The following LGSN variants were observed in gnomAD, a reference collection of about 807,000 sequenced individuals.
LGSN encodes the protein lengsin, lens protein with glutamine synthetase domain.
In LGSN, 21 loss-of-function variants were observed where a neutral mutation model predicts 19.5. That is an observed-to-expected ratio of 1.07 (90% CI 0.76 to 1.55). LGSN has a LOEUF of 1.55. Ranked by LOEUF, LGSN falls within the 40% of genes most tolerant of loss-of-function variation. The pLI, the probability that LGSN is intolerant of heterozygous loss-of-function variation, is 0.00. For synonymous variants in LGSN, 257 were observed against 215.6 expected, an observed-to-expected ratio of 1.19 and a Z score of -1.68; for missense variants, 673 against 608.5, an observed-to-expected ratio of 1.11 and a Z score of -1.12.
chr6:63,507,548 A>T, the LGSN span, among the ~76,000 whole-genome samples: 2 of 152,190 alleles, frequency 1.3e-5, no homozygotes, highest in African/African-American at 4.8e-5. Flanking sequence ...GTGTTCCACA[A>T]TCAGGAACAG....
At chr6:63,424,540 T>C in the LGSN span, among the ~76,000 whole-genome samples, 8 of 142,292 alleles carry the variant, frequency 5.6e-5, no homozygotes, top group African/African-American at 1.6e-4. Context: ...CACACACACA[T>C]ACAAAACAGT....
chr6:63,317,813 C>A (rs1768922985), intron 1 of LGSN, among the ~76,000 whole-genome samples: 1 of 152,164 alleles, frequency 6.6e-6, no homozygotes, highest in Non-Finnish European at 1.5e-5. Context: ...GGCATTCATT[C>A]CTTCTGTGAT....
the LGSN span, among the ~76,000 whole-genome samples, chr6:63,411,357 A>G: frequency 6.6e-6 from 1 of 152,208 alleles, no homozygotes; most frequent in Non-Finnish European, 1.5e-5. Flanking sequence ...GGCATCAGAG[A>G]TAAGTTACAC....
the LGSN span, among the ~76,000 whole-genome samples, chr6:63,491,303 T>A: frequency 6.6e-6 from 1 of 152,044 alleles, no homozygotes; most frequent in African/African-American, 2.4e-5. Context: ...TTGGAAGACA[T>A]CCAAAAATGC....
At chr6:63,414,051 T>C in the LGSN span, among the ~76,000 whole-genome samples, 1 of 152,214 alleles carries the variant, frequency 6.6e-6, no homozygotes, top group Non-Finnish European at 1.5e-5. Context: ...GCCACTGGAA[T>C]CACAAACACT....
At chr6:63,454,870 G>T in the LGSN span, among the ~76,000 whole-genome samples, 2 of 132,798 alleles carry the variant, frequency 1.5e-5, no homozygotes, top group South Asian at 4.6e-4. Context: ...TCTGCTCGCT[G>T]CAACCTCCAC....
chr6:63,524,188 T>C, the LGSN span, among the ~76,000 whole-genome samples: 1 of 152,162 alleles, frequency 6.6e-6, no homozygotes, highest in African/African-American at 2.4e-5. Flanking sequence ...TTTTACCCTC[T>C]TGTCCAGGCT....
At chr6:63,308,037 C>T (rs1406675037) in intron 1 of LGSN, among the ~76,000 whole-genome samples, 1 of 152,164 alleles carries the variant, frequency 6.6e-6, no homozygotes, top group African/African-American at 2.4e-5. Flanking sequence ...GGGCGCATTT[C>T]AGCTGAAGAT....
the LGSN span, among the ~76,000 whole-genome samples, chr6:63,522,877 T>C: frequency 6.6e-6 from 1 of 150,994 alleles, no homozygotes; most frequent in Non-Finnish European, 1.5e-5. Context: ...TTTTTTTTTT[T>C]TTTTTGAGAC....
chr6:63,405,136 C>A, the LGSN span, among the ~76,000 whole-genome samples: 1 of 151,694 alleles, frequency 6.6e-6, no homozygotes, highest in East Asian at 1.9e-4. Flanking sequence ...GACATGAACT[C>A]ATCATTTTTT....
At chr6:63,566,185 AAGACAGGGCTGG>A in the LGSN span, among the ~76,000 whole-genome samples, 1 of 152,254 alleles carries the variant, frequency 6.6e-6, no homozygotes, top group Non-Finnish European at 1.5e-5. Flanking sequence ...AAACCATTTG[AAGACAGGGCTGG>A]TTTGAGATTT....
upstream of LGSN, among the ~76,000 whole-genome samples, chr6:63,322,250 A>G (rs548636842): frequency 1.3e-5 from 2 of 152,308 alleles, no homozygotes; most frequent in South Asian, 2.1e-4. Flanking sequence ...TACATATATT[A>G]TATGTTACAG....
At chr6:63,486,447 A>T in the LGSN span, among the ~76,000 whole-genome samples, 2 of 152,118 alleles carry the variant, frequency 1.3e-5, no homozygotes, top group Non-Finnish European at 2.9e-5. Flanking sequence ...AATGAGCCCA[A>T]ATGGATTTGT....
rs750402926 is a variant in LGSN at position 63,280,949 on chromosome 6, G to C, written c.602C>G (p.Ser201Cys). 47 of 1,613,986 alleles carry C rather than the reference G, an allele frequency of 2.9e-5. No homozygotes were observed. The highest frequency in any genetic ancestry group is 3.9e-5 in the Non-Finnish European group (46 of 1,180,022). The change falls in exon 4 of 4, where the codon TCC becomes TGC. Residue 201 changes from serine (S) to cysteine (C), a missense_variant. Coordinates refer to ENST00000370657, the MANE Select transcript of LGSN (RefSeq NM_016571.3). ...QLSHLQASGF[S>C]LLSAFIYDFC... ...ATCATAGATGAAAGCAGAAAGCAGGGAAAAGCCAGAGGCCTGCAGATGGCT... is the reference window on the plus strand; with the variant it reads ...ATCATAGATGAAAGCAGAAAGCAGGCAAAAGCCAGAGGCCTGCAGATGGCT...
Position 63,280,027 on chromosome 6 carries a change from A to C in LGSN, c.1524T>G (p.Phe508Leu). ...AGTAGTTGTGAGCTCTATTCTAAAT[A>C]AAATACTCTAAGAATTTATTTCTCT... ...AAERNKFLEY[F>L]I Residue 508 changes from phenylalanine (F) to leucine (L), a missense_variant, in exon 4 of 4, where the codon TTT becomes TTG. Physicochemically the swap from Phe to Leu is conservative, Grantham distance 22. Transcript: ENST00000370657. 1 of 1,597,462 alleles carries C rather than the reference A, an allele frequency of 6.3e-7. No homozygotes were observed. Among genetic ancestry groups the C allele is most frequent in the Non-Finnish European group, 8.5e-7 (1 of 1,172,406 alleles).
chr6:63,505,890 C>G, the LGSN span, among the ~76,000 whole-genome samples: 2 of 152,158 alleles, frequency 1.3e-5, no homozygotes, highest in African/African-American at 4.8e-5. Flanking sequence ...AAACTCCTGA[C>G]CGTCCACCTC....
chr6:63,412,567 A>AAAGAAAGG, the LGSN span, among the ~76,000 whole-genome samples: 270 of 121,506 alleles, frequency 2.2e-3, 4 homozygotes, highest in East Asian at 3.0e-3. Context: ...AGAAAGAAAG[A>AAAGAAAGG]AAGGAAGGAA....
At chr6:63,569,979 T>C in the LGSN span, among the ~76,000 whole-genome samples, 47 of 152,308 alleles carry the variant, frequency 3.1e-4, no homozygotes, top group African/African-American at 1.1e-3. Flanking sequence ...TTAAACTAAA[T>C]ACAGCAGACA....
At chr6:63,485,082 T>C in the LGSN span, among the ~76,000 whole-genome samples, 2 of 152,168 alleles carry the variant, frequency 1.3e-5, no homozygotes, top group Non-Finnish European at 2.9e-5. Context: ...GCAGGTTTGT[T>C]ACATAGGTAA....
Sources: gnomAD v4.1 joint callset for allele counts (sites outside exome capture counted in the v4.1 genomes callset) on GRCh38, gnomAD v4.1.1 for gene constraint, MANE v1.5 for transcripts, NCBI Gene and HGNC (gene_info 2026-07-23, HGNC 2026-07-21) for gene names.